TEX9: variants seen among roughly 807,000 people sequenced by gnomAD.
The protein encoded by TEX9 is testis-expressed protein 9.
Under a neutral mutation model 59.6 loss-of-function variants are expected in TEX9, and 74 were observed. The ratio of observed to expected loss-of-function variants is 1.24; its 90% CI spans 1.03 to 1.51. The LOEUF is 1.51. TEX9 is among the 40% of genes most tolerant of loss of function. The pLI, the probability that TEX9 is intolerant of heterozygous loss-of-function variation, is 0.00. For synonymous variants in TEX9, 186 were observed against 152.2 expected (o/e 1.22, Z -1.64); for missense variants, 522 against 447.8 (o/e 1.17, Z -1.49).
intron 1 of TEX9, among the ~76,000 whole-genome samples, chr15:56,355,745 T>C (rs2080103007): frequency 6.6e-6 from 1 of 152,130 alleles, no homozygotes; most frequent in African/African-American, 2.4e-5. Flanking sequence ...TTATCTTTGA[T>C]ATTTTCTGAT....
intron 4 of TEX9, 65 bp downstream of exon 4, chr15:56,384,096 C>A (rs1373343894): frequency 1.6e-6 from 2 of 1,278,426 alleles, no homozygotes; most frequent in African/African-American, 3.0e-5. Flanking sequence ...TATGTAAGAT[C>A]TTTTTTGCAT....
chr15:56,446,901 G>A (rs1417093711), downstream of TEX9: 1 of 1,609,980 alleles, frequency 6.2e-7, no homozygotes, highest in Non-Finnish European at 8.5e-7. Flanking sequence ...CTTTATTCAT[G>A]TAAGCTGCTT....
intron 12 of TEX9, among the ~76,000 whole-genome samples, chr15:56,444,032 G>A (rs1447033426): frequency 6.6e-6 from 1 of 151,912 alleles, no homozygotes; most frequent in East Asian, 1.9e-4. Context: ...TTTTCTTTGG[G>A]TAGAATACTG....
chr15:56,354,376 C>T (rs1383390103), intron 1 of TEX9, among the ~76,000 whole-genome samples: 1 of 152,140 alleles, frequency 6.6e-6, no homozygotes, highest in Non-Finnish European at 1.5e-5. Context: ...ATCATGGACA[C>T]TGCTGAACAC....
intron 1 of TEX9, among the ~76,000 whole-genome samples, chr15:56,305,008 G>C (rs2718961): frequency 0.38 from 57,587 of 151,978 alleles, 11,401 homozygotes; most frequent in Non-Finnish European, 0.44. Flanking sequence ...ATCTGGAAAA[G>C]AAATCGAGAA....
At chr15:56,337,806 T>C (rs192648144) in intron 1 of TEX9, among the ~76,000 whole-genome samples, 9 of 152,362 alleles carry the variant, frequency 5.9e-5, no homozygotes, top group Admixed American at 4.6e-4. Context: ...TTTCTTCCTA[T>C]ATAAGCAAGA....
intron 12 of TEX9, among the ~76,000 whole-genome samples, chr15:56,431,126 C>A (rs748475346): frequency 1.3e-5 from 2 of 152,158 alleles, no homozygotes; most frequent in Non-Finnish European, 1.5e-5. Flanking sequence ...TGCACTCCAG[C>A]CTGGGCGATA....
intron 4 of TEX9, among the ~76,000 whole-genome samples, chr15:56,385,625 T>C (rs1245648956): frequency 6.6e-6 from 1 of 151,876 alleles, no homozygotes; most frequent in Non-Finnish European, 1.5e-5. Flanking sequence ...GTAGGTGATG[T>C]AATGGCATGT....
intron 12 of TEX9, chr15:56,443,453 C>T (rs777939025): frequency 6.3e-7 from 1 of 1,588,352 alleles, no homozygotes; most frequent in South Asian, 1.2e-5. Context: ...TTATATATTT[C>T]AGCTTGTTCT....
At chr15:56,354,710 A>C (rs1284842896) in intron 1 of TEX9, among the ~76,000 whole-genome samples, 3 of 152,188 alleles carry the variant, frequency 2.0e-5, no homozygotes, top group African/African-American at 7.2e-5. Flanking sequence ...TATGATTATA[A>C]TTGCTTGAAC....
At chr15:56,244,953 G>T (rs1410170748) in intron 1 of TEX9, among the ~76,000 whole-genome samples, 1 of 152,146 alleles carries the variant, frequency 6.6e-6, no homozygotes, top group Non-Finnish European at 1.5e-5. Flanking sequence ...AACAGCCAAG[G>T]CCTCTGGCAC....
intron 12 of TEX9, chr15:56,443,302 G>A (rs1169042194): frequency 3.1e-6 from 2 of 639,706 alleles, no homozygotes; most frequent in African/African-American, 3.8e-5. Context: ...TCTTTTAACT[G>A]TAGTATACCA....
intron 12 of TEX9, among the ~76,000 whole-genome samples, chr15:56,438,267 GAT>G (rs1231598150): frequency 5.3e-5 from 8 of 151,942 alleles, no homozygotes; most frequent in African/African-American, 1.7e-4. Flanking sequence ...CCAAAACAGA[GAT>G]ATAGACCAAT....
intron 1 of TEX9, among the ~76,000 whole-genome samples, chr15:56,257,451 A>G (rs1430524596): frequency 5.3e-5 from 8 of 152,130 alleles, no homozygotes; most frequent in African/African-American, 1.7e-4. Context: ...CCTCACCAGC[A>G]TCTGTTATTT....
At chr15:56,260,595 A>C (rs1368650487) in intron 1 of TEX9, among the ~76,000 whole-genome samples, 1 of 152,104 alleles carries the variant, frequency 6.6e-6, no homozygotes, top group African/African-American at 2.4e-5. Context: ...AGAATAAACC[A>C]AATTGGTTAT....
At chr15:56,315,094 C>T (rs2045721554) in intron 1 of TEX9, among the ~76,000 whole-genome samples, 1 of 151,272 alleles carries the variant, frequency 6.6e-6, no homozygotes, top group South Asian at 2.1e-4. Context: ...TGGGTCTTAA[C>T]TCTTTATCCA....
At chr15:56,305,882 G>A (rs1157992836) in intron 1 of TEX9, among the ~76,000 whole-genome samples, 17 of 152,072 alleles carry the variant, frequency 1.1e-4, no homozygotes, top group Admixed American at 1.1e-3. Flanking sequence ...TCTGACAAGG[G>A]ATTACTAACC....
chr15:56,300,109 T>C (rs2045308508), intron 1 of TEX9, among the ~76,000 whole-genome samples: 2 of 152,226 alleles, frequency 1.3e-5, no homozygotes, highest in East Asian at 1.9e-4. Flanking sequence ...ATGGCATTTT[T>C]TGAACCGCCC....
chr15:56,413,817 A>G (rs910036298), intron 10 of TEX9, among the ~76,000 whole-genome samples: 2 of 151,824 alleles, frequency 1.3e-5, no homozygotes, highest in Admixed American at 1.3e-4. Flanking sequence ...CTTAACAGGA[A>G]TAGACTGAAA....
Sources: allele counts gnomAD v4.1 joint callset (sites outside exome capture counted in the v4.1 genomes callset), GRCh38; gene constraint gnomAD v4.1.1; transcripts MANE v1.5; gene names NCBI Gene and HGNC (gene_info 2026-07-23, HGNC 2026-07-21).